GOLM1: variants seen among roughly 807,000 people sequenced by gnomAD.
The protein encoded by GOLM1 is golgi membrane protein 1.
In GOLM1, 31 loss-of-function variants were observed where a neutral mutation model predicts 50.5. That is an observed-to-expected ratio of 0.61 (90% CI 0.46 to 0.83). The LOEUF (loss-of-function observed/expected upper bound fraction) is 0.83. Among genes scored for constraint, GOLM1 ranks in the 40% least tolerant of loss-of-function variants. The probability of loss-of-function intolerance (pLI) is 0.00; values close to 1 mark genes in which losing one functional copy is unlikely to be tolerated. For missense variants in GOLM1, 491 were observed against 501.3 expected, an observed-to-expected ratio of 0.98 and a Z score of 0.20; for synonymous variants, 178 against 192.8, an observed-to-expected ratio of 0.92 and a Z score of 0.64.
intron 9 of GOLM1, among the ~76,000 whole-genome samples, chr9:86,029,949 C>T (rs1001284883): frequency 6.6e-6 from 1 of 152,174 alleles, no homozygotes; most frequent in Non-Finnish European, 1.5e-5. Context: ...TGGTGGCTCA[C>T]ACCTGTAATC....
intron 4 of GOLM1, among the ~76,000 whole-genome samples, chr9:86,050,014 A>G (rs1444405649): frequency 1.3e-5 from 2 of 152,154 alleles, no homozygotes; most frequent in African/African-American, 2.4e-5. Flanking sequence ...TGTCATAAAT[A>G]GCTCTTATTA....
At chr9:86,077,287 G>A (rs1834646282) in intron 3 of GOLM1, 125 bp downstream of exon 3, 2 of 763,816 alleles carry the variant, frequency 2.6e-6, no homozygotes, top group Non-Finnish European at 4.5e-6. Context: ...TTGATCAATA[G>A]GCTCTTTCCA....
At chr9:86,034,037 T>C (rs1436016359) in intron 8 of GOLM1, among the ~76,000 whole-genome samples, 1 of 151,260 alleles carries the variant, frequency 6.6e-6, no homozygotes, top group Non-Finnish European at 1.5e-5. Flanking sequence ...TAATCTCGGC[T>C]CACTGCAACC....
intron 3 of GOLM1, among the ~76,000 whole-genome samples, chr9:86,068,258 T>C (rs111300357): frequency 2.6e-5 from 4 of 152,222 alleles, no homozygotes; most frequent in African/African-American, 7.2e-5. Context: ...AGAGGCGAGG[T>C]AGTGTCCTCC....
At position 86,059,921 on chromosome 9, in the gene GOLM1, A is replaced by G. The variant is rs573237389; in HGVS notation, c.310-7330T>C. Among the ~76,000 whole-genome samples, 155 of 151,384 alleles carry G rather than the reference A, an allele frequency of 1.0e-3. 1 individual carries two copies. In the East Asian group the frequency reaches 0.023, roughly 22 times the overall value. ...TCTCAAAAAAAAAAAAAAAAAAAAAAAAGTTTTGGAATCAGTGGTTATAGT... is the reference window on the plus strand; with the variant it reads ...TCTCAAAAAAAAAAAAAAAAAAAAAGAAGTTTTGGAATCAGTGGTTATAGT... On this transcript the variant is annotated intron_variant, in intron 3 of 9. Coordinates refer to ENST00000388712, the MANE Select transcript of GOLM1 (RefSeq NM_016548.4).
intron 9 of GOLM1, among the ~76,000 whole-genome samples, chr9:86,029,408 A>G (rs1832899944): frequency 6.6e-6 from 1 of 152,170 alleles, no homozygotes; most frequent in South Asian, 2.1e-4. Context: ...GCAGCTTCAG[A>G]CAGCTCTTGT....
chr9:86,027,232 G>A lies in GOLM1; in HGVS notation c.*585C>T. The A allele has an allele frequency of 4.1e-6, 4 of 985,466 alleles. No individual in the cohort carries two copies. Among genetic ancestry groups the A allele is most frequent in the Non-Finnish European group, 4.8e-6 (4 of 829,928 alleles). The allele number at this position is 985,466 out of a possible 1,614,324, so 61.0% of individuals were successfully genotyped here. On this transcript the variant is annotated 3_prime_UTR_variant, in exon 10 of 10. Coordinates refer to ENST00000388712, the MANE Select transcript of GOLM1 (RefSeq NM_016548.4). ...TTTTAAAAAATTCTCACACAGAACA[G>A]CTTTGTATTTAGACTTAAAGCTGTT...
chr9:86,035,440 T>C lies in GOLM1; in HGVS notation c.943A>G (p.Met315Val). Residue 315 changes from methionine (M) to valine (V), a missense_variant, in exon 8 of 10, where the codon ATG becomes GTG. Transcript: ENST00000388712. Reference sequence around the variant, plus strand: ...AGCTGGTCTCGCTCAGGGCCCTCCATCTCTGGATTTTCCTGGCTCACTGAC... The same window carrying C: ...AGCTGGTCTCGCTCAGGGCCCTCCACCTCTGGATTTTCCTGGCTCACTGAC... ...ALSVSQENPEMEGPERDQLVI... is the reference protein window; with the variant it reads ...ALSVSQENPEVEGPERDQLVI... 1 of 1,613,852 alleles carries C rather than the reference T, an allele frequency of 6.2e-7. No homozygotes were observed. The highest frequency in any genetic ancestry group is 8.5e-7 in the Non-Finnish European group (1 of 1,179,980).
intron 3 of GOLM1, among the ~76,000 whole-genome samples, chr9:86,065,850 G>C (rs979079832): frequency 6.6e-6 from 1 of 152,120 alleles, no homozygotes; most frequent in African/African-American, 2.4e-5. Flanking sequence ...GACCAGCCTG[G>C]CCAACATGGT....
chr9:86,067,845 A>G (rs1223441547), intron 3 of GOLM1, among the ~76,000 whole-genome samples: 1 of 152,112 alleles, frequency 6.6e-6, no homozygotes, highest in African/African-American at 2.4e-5. Context: ...TCTACTAAAA[A>G]TACAAAAAAC....
intron 3 of GOLM1, among the ~76,000 whole-genome samples, chr9:86,075,781 T>TC (rs1254305376): frequency 3.3e-5 from 5 of 151,976 alleles, no homozygotes; most frequent in Admixed American, 2.6e-4. Context: ...CTCTTTTTTT[T>TC]CTTTTTCTTT....
chr9:86,090,252 C>T (rs1235133846), intron 1 of GOLM1, among the ~76,000 whole-genome samples: 10 of 152,168 alleles, frequency 6.6e-5, no homozygotes, highest in African/African-American at 7.2e-5. Flanking sequence ...GGCAGTCTGT[C>T]CCCTAGCAGA....
intron 5 of GOLM1, among the ~76,000 whole-genome samples, chr9:86,042,306 C>G (rs1708213841): frequency 6.6e-6 from 1 of 152,164 alleles, no homozygotes; most frequent in South Asian, 2.1e-4. Flanking sequence ...TGGCATGGAC[C>G]AGGGTCAGAG....
chr9:86,098,644 T>C (rs1835425749), intron 1 of GOLM1, among the ~76,000 whole-genome samples: 1 of 152,240 alleles, frequency 6.6e-6, no homozygotes, highest in South Asian at 2.1e-4. Flanking sequence ...TTCTTAAATT[T>C]TGCTAAAAAA....
chr9:86,098,397 C>T (rs1265159645), intron 1 of GOLM1, among the ~76,000 whole-genome samples: 5 of 152,180 alleles, frequency 3.3e-5, no homozygotes, highest in Non-Finnish European at 5.9e-5. Context: ...AACCTGATGG[C>T]CATGAGCTAA....
At chr9:86,088,983 C>T (rs745722614) in intron 1 of GOLM1, among the ~76,000 whole-genome samples, 2 of 152,054 alleles carry the variant, frequency 1.3e-5, no homozygotes, top group Non-Finnish European at 2.9e-5. Flanking sequence ...TCAGCATTTG[C>T]TTGTCTGTAA....
At chr9:86,062,715 G>C (rs1335378571) in intron 3 of GOLM1, among the ~76,000 whole-genome samples, 1 of 148,130 alleles carries the variant, frequency 6.8e-6, no homozygotes, top group African/African-American at 2.5e-5. Flanking sequence ...AAGGAAAAAG[G>C]AGGAGAAGCA....
chr9:86,036,728 C>G, intron 6 of GOLM1: 1 of 554,160 alleles, frequency 1.8e-6, no homozygotes, highest in Non-Finnish European at 3.2e-6. Flanking sequence ...ACTGTCAATA[C>G]AGAATAAAAC....
At chr9:86,046,897 T>A (rs1421445969) in intron 4 of GOLM1, among the ~76,000 whole-genome samples, 1 of 150,196 alleles carries the variant, frequency 6.7e-6, no homozygotes, top group Non-Finnish European at 1.5e-5. Flanking sequence ...TTTGTAGACA[T>A]CATAAGCCCC....
Sources: gnomAD v4.1 joint callset for allele counts (sites outside exome capture counted in the v4.1 genomes callset) on GRCh38, gnomAD v4.1.1 for gene constraint, MANE v1.5 for transcripts, NCBI Gene and HGNC (gene_info 2026-07-23, HGNC 2026-07-21) for gene names.